RSRC1: variants seen among roughly 807,000 people sequenced by gnomAD.
RSRC1 encodes the protein arginine and serine rich coiled-coil 1, also known as serine/Arginine-related protein 53.
Under a neutral mutation model 49.1 loss-of-function variants are expected in RSRC1, and 39 were observed. That is an observed-to-expected ratio of 0.79 (90% confidence interval 0.61 to 1.04). The LOEUF (loss-of-function observed/expected upper bound fraction) is 1.04. Among genes scored for constraint, RSRC1 ranks in the 50% least tolerant of loss-of-function variants. The probability of loss-of-function intolerance (pLI) is 0.00; values close to 1 mark genes in which losing one functional copy is unlikely to be tolerated. For missense variants in RSRC1, 388 were observed against 402.4 expected (o/e 0.96, Z 0.31); for synonymous variants, 143 against 130.8 (o/e 1.09, Z -0.63).
intron 6 of RSRC1, among the ~76,000 whole-genome samples, chr3:158,446,728 C>A (rs528734897): frequency 1.3e-5 from 2 of 152,128 alleles, no homozygotes; most frequent in East Asian, 3.9e-4. Context: ...TTTCTTATCT[C>A]TTCTACCTTA....
At chr3:158,320,279 G>A (rs1728689290) in intron 5 of RSRC1, among the ~76,000 whole-genome samples, 1 of 152,178 alleles carries the variant, frequency 6.6e-6, no homozygotes, top group Non-Finnish European at 1.5e-5. Context: ...ACACACTAGT[G>A]ATCCATACAC....
At chr3:158,537,984 C>T (rs1223607647) in intron 8 of RSRC1, among the ~76,000 whole-genome samples, 1 of 151,688 alleles carries the variant, frequency 6.6e-6, no homozygotes, top group Non-Finnish European at 1.5e-5. Context: ...GATGGAATTA[C>T]TTGTTAAAGG....
At chr3:158,488,786 A>T (rs1404874550) in intron 7 of RSRC1, among the ~76,000 whole-genome samples, 1 of 152,192 alleles carries the variant, frequency 6.6e-6, no homozygotes, top group Admixed American at 6.5e-5. Context: ...AACACTTCTT[A>T]AAGTAAAAGT....
intron 6 of RSRC1, among the ~76,000 whole-genome samples, chr3:158,358,626 A>G (rs1158417287): frequency 1.3e-5 from 2 of 152,172 alleles, no homozygotes; most frequent in African/African-American, 4.8e-5. Flanking sequence ...AAAATTAATC[A>G]TAATTGCTTA....
chr3:158,394,614 A>G (rs1486329715), intron 6 of RSRC1, among the ~76,000 whole-genome samples: 2 of 152,136 alleles, frequency 1.3e-5, no homozygotes, highest in Non-Finnish European at 2.9e-5. Context: ...TAAAATACCT[A>G]TGAATGCAGC....
chr3:158,191,167 G>C (rs1720219652), intron 3 of RSRC1, among the ~76,000 whole-genome samples: 1 of 151,692 alleles, frequency 6.6e-6, no homozygotes, highest in South Asian at 2.1e-4. Flanking sequence ...CCTTTCCAAA[G>C]CGCATCACTC....
At chr3:158,413,801 A>G (rs1445999854) in intron 6 of RSRC1, among the ~76,000 whole-genome samples, 1 of 152,152 alleles carries the variant, frequency 6.6e-6, no homozygotes, top group Non-Finnish European at 1.5e-5. Flanking sequence ...TCTCATGCCA[A>G]TCAAAATGGC....
chr3:158,389,291 T>C (rs1733145076), intron 6 of RSRC1, among the ~76,000 whole-genome samples: 1 of 152,200 alleles, frequency 6.6e-6, no homozygotes, highest in African/African-American at 2.4e-5. Flanking sequence ...AAAACATTAT[T>C]ATTTCTTTGT....
At position 158,522,595 on chromosome 3, in the gene RSRC1, C is replaced by T. The variant is rs527382825; in HGVS notation, c.653-14497C>T. ...TGAGGATAAAGTAGCGTCAAAATGA[C>T]GACCAAATGGAAAGGAGATTATAAT... is the stretch of plus-strand genomic sequence containing the variant. On this transcript the variant is annotated intron_variant, in intron 7 of 9. Coordinates refer to ENST00000611884, the MANE Select transcript of RSRC1 (RefSeq NM_001271838.2). 7.2e-5 allele frequency among the ~76,000 whole-genome samples: 11 copies of T among 152,192 alleles called. No individual in the cohort carries two copies. In the South Asian group the frequency reaches 1.2e-3, roughly 17 times the overall value.
At chr3:158,485,788 T>C (rs1034051841) in intron 7 of RSRC1, among the ~76,000 whole-genome samples, 1 of 152,166 alleles carries the variant, frequency 6.6e-6, no homozygotes, top group African/African-American at 2.4e-5. Flanking sequence ...ATTAGATAAC[T>C]GTGATTTTCA....
chr3:158,478,792 A>G (rs1738489440), intron 7 of RSRC1, among the ~76,000 whole-genome samples: 1 of 152,004 alleles, frequency 6.6e-6, no homozygotes, highest in African/African-American at 2.4e-5. Context: ...CATCCCAGAA[A>G]TTCTATATTT....
At chr3:158,298,208 T>C (rs2108117972) in intron 5 of RSRC1, 133 bp downstream of exon 5, 2 of 639,262 alleles carry the variant, frequency 3.1e-6, no homozygotes, top group Middle Eastern at 2.6e-4. Context: ...CTTACTGTTA[T>C]TATGTGAAGG....
chr3:158,439,558 G>T (rs142145040), intron 6 of RSRC1, among the ~76,000 whole-genome samples: 2 of 152,006 alleles, frequency 1.3e-5, no homozygotes, highest in East Asian at 1.9e-4. Flanking sequence ...GGAAACTATC[G>T]CAAGGACAGA....
intron 7 of RSRC1, among the ~76,000 whole-genome samples, chr3:158,468,701 A>T (rs1022074748): frequency 3.0e-4 from 46 of 152,174 alleles, no homozygotes; most frequent in African/African-American, 1.0e-3. Flanking sequence ...GTTCTAGTAT[A>T]CTTCAACTCT....
At chr3:158,329,969 A>C (rs536285124) in intron 5 of RSRC1, among the ~76,000 whole-genome samples, 1 of 152,268 alleles carries the variant, frequency 6.6e-6, no homozygotes, top group South Asian at 2.1e-4. Context: ...GCCGCCTTGC[A>C]GTTCGATCTC....
At chr3:158,114,926 T>C (rs963156795) in intron 1 of RSRC1, among the ~76,000 whole-genome samples, 1 of 152,208 alleles carries the variant, frequency 6.6e-6, no homozygotes, top group Middle Eastern at 3.2e-3. Flanking sequence ...TTTCTAGATA[T>C]AGGATTATGT....
chr3:158,447,782 C>A (rs1168979229), intron 6 of RSRC1, among the ~76,000 whole-genome samples: 4 of 151,724 alleles, frequency 2.6e-5, no homozygotes, highest in Non-Finnish European at 5.9e-5. Context: ...AAAAGAAACA[C>A]CCTTTTTAAT....
intron 5 of RSRC1, among the ~76,000 whole-genome samples, chr3:158,346,146 A>G (rs550965572): frequency 3.2e-4 from 49 of 152,246 alleles, no homozygotes; most frequent in Admixed American, 3.2e-3. Flanking sequence ...TAAAAGCCTG[A>G]TTCCTAAAAG....
At chr3:158,403,589 T>C (rs1446703109) in intron 6 of RSRC1, among the ~76,000 whole-genome samples, 1 of 151,842 alleles carries the variant, frequency 6.6e-6, no homozygotes, top group Non-Finnish European at 1.5e-5. Context: ...TTAGGAAATA[T>C]ACCTCAACTG....
Sources: allele counts gnomAD v4.1 joint callset (sites outside exome capture counted in the v4.1 genomes callset), GRCh38; gene constraint gnomAD v4.1.1; transcripts MANE v1.5; gene names NCBI Gene and HGNC (gene_info 2026-07-23, HGNC 2026-07-21).